Variants in ARHGAP21 observed in about 807,000 individuals in gnomAD.
ARHGAP21 encodes rho GTPase-activating protein 21.
In ARHGAP21, 38 loss-of-function variants were observed where a neutral mutation model predicts 164.6. The ratio of observed to expected loss-of-function variants is 0.23; its 90% CI spans 0.18 to 0.30. ARHGAP21 has a LOEUF of 0.30. Ranked by LOEUF, ARHGAP21 falls within the 10% of genes least tolerant of loss-of-function variation. ARHGAP21 has a pLI of 1.00. For missense variants in ARHGAP21, 1,822 were observed against 2,370.7 expected (o/e 0.77, Z 4.81); for synonymous variants, 766 against 857.9 (o/e 0.89, Z 1.87).
At chr10:24,667,129 T>C in intron 3 of ARHGAP21, 120 bp from the exon 4 acceptor site, 1 of 510,058 alleles carries the variant, frequency 2.0e-6, no homozygotes, top group Non-Finnish European at 3.4e-6. Context: ...ACAATCTCAC[T>C]AACAATATTC....
intron 4 of ARHGAP21, among the ~76,000 whole-genome samples, chr10:24,636,943 G>A (rs1202733356): frequency 2.0e-5 from 3 of 152,036 alleles, no homozygotes; most frequent in Non-Finnish European, 2.9e-5. Context: ...AGGAATTTTC[G>A]CAATGCTCAC....
At chr10:24,596,686 T>A in intron 17 of ARHGAP21, 54 bp downstream of exon 17, 1 of 1,610,502 alleles carries the variant, frequency 6.2e-7, no homozygotes, top group Non-Finnish European at 8.5e-7. Context: ...GATCCCATTA[T>A]AATCAAAACT....
At chr10:24,637,528 T>G (rs774574343) in intron 4 of ARHGAP21, among the ~76,000 whole-genome samples, 1 of 152,206 alleles carries the variant, frequency 6.6e-6, no homozygotes, top group Non-Finnish European at 1.5e-5. Flanking sequence ...GGTGATTATT[T>G]CATACTTAAA....
chr10:24,657,159 G>A (rs1384002576), intron 4 of ARHGAP21, among the ~76,000 whole-genome samples: 5 of 28,982 alleles, frequency 1.7e-4, no homozygotes, highest in Non-Finnish European at 3.4e-4. Flanking sequence ...CGCCCCGTCC[G>A]GGAGGTGAGG....
At chr10:24,623,118 C>G (rs11014180) in intron 7 of ARHGAP21, among the ~76,000 whole-genome samples, 5,077 of 152,276 alleles carry the variant, frequency 0.033, 139 homozygotes, top group African/African-American at 0.075. Context: ...TCATTTCCCC[C>G]CAGCTTCTTC....
At chr10:24,595,061 A>G (rs752386473) in intron 20 of ARHGAP21, 22 bp from the exon 21 acceptor site, 45 of 1,608,704 alleles carry the variant, frequency 2.8e-5, no homozygotes, top group Middle Eastern at 3.3e-4. Flanking sequence ...TATTTTCACA[A>G]TGGATTCAGA....
chr10:24,650,620 T>C (rs564193631), intron 4 of ARHGAP21, among the ~76,000 whole-genome samples: 45 of 152,200 alleles, frequency 3.0e-4, no homozygotes, highest in South Asian at 6.2e-4. Flanking sequence ...AAGTTCAAAA[T>C]AAAAGATTAA....
In ARHGAP21 at chr10:24,585,145, C is replaced by T; in HGVS notation, c.5144G>A (p.Ser1715Asn). The change falls in exon 26 of 26, where the codon AGT (serine) becomes AAT (asparagine). Residue 1715 changes from serine (S) to asparagine (N), a missense_variant. Ser to Asn is a conservative substitution (Grantham distance 46, BLOSUM62 1). Around this residue, in one of 5 missense-constraint regions of ARHGAP21, gnomAD observed 117 missense variants for 193.2 expected, o/e 0.61. Transcript: ENST00000396432. Reference sequence around the variant, plus strand: ...ATTCTTGGCATCTCCTAGACTTCCACTATCTGACTTGAATCTAGCTGATTT... The same window carrying T: ...ATTCTTGGCATCTCCTAGACTTCCATTATCTGACTTGAATCTAGCTGATTT... ...RKKSARFKSD[S>N]GSLGDAKNEK... 6.2e-7 allele frequency: 1 copy of T among 1,612,528 alleles called. No homozygotes were observed. Among genetic ancestry groups the T allele is most frequent in the South Asian group, 1.1e-5 (1 of 90,958 alleles).
intron 4 of ARHGAP21, among the ~76,000 whole-genome samples, chr10:24,636,910 T>C (rs2131382867): frequency 6.6e-6 from 1 of 152,328 alleles, no homozygotes; most frequent in Middle Eastern, 3.4e-3. Context: ...ATGTTTGTTG[T>C]ATATCTCTCT....
chr10:24,593,266 A>C (rs1482097182), intron 21 of ARHGAP21, among the ~76,000 whole-genome samples: 1 of 151,928 alleles, frequency 6.6e-6, no homozygotes, highest in Non-Finnish European at 1.5e-5. Flanking sequence ...GTAGAAAGAA[A>C]CTATGTGTGG....
At chr10:24,633,358 T>G in intron 6 of ARHGAP21, 44 bp downstream of exon 6, 2 of 1,321,368 alleles carry the variant, frequency 1.5e-6, no homozygotes, top group East Asian at 2.3e-5. Context: ...GCTCTATTGA[T>G]CTATAAAACC....
rs138067028 is a variant in ARHGAP21, at chr10:24,685,608, G to A, written c.64-15211C>T. Among the ~76,000 whole-genome samples the A allele has an allele frequency of 6.1e-3, 933 of 152,266 alleles. 11 individuals carry two copies. The highest frequency in any genetic ancestry group is 0.021 in the African/African-American group (868 of 41,546). On this transcript the variant is annotated intron_variant, in intron 2 of 25. Transcript: ENST00000396432. ...AATTGTCTTCTTGGCTGGTGCAGTG[G>A]CTCACACCTGTAATCCCAGCACTTT...
At chr10:24,677,117 G>A (rs376214366) in intron 2 of ARHGAP21, among the ~76,000 whole-genome samples, 2 of 152,118 alleles carry the variant, frequency 1.3e-5, no homozygotes, top group African/African-American at 2.4e-5. Context: ...CTACTCTGGC[G>A]GCTAAGGAAG....
chr10:24,677,308 A>C (rs1841350009), intron 2 of ARHGAP21, among the ~76,000 whole-genome samples: 3 of 152,218 alleles, frequency 2.0e-5, no homozygotes, highest in African/African-American at 7.2e-5. Context: ...TTTAAATCAC[A>C]ATCTCTCACA....
At chr10:24,597,706 A>G (rs2076644649) in intron 15 of ARHGAP21, 123 bp from the exon 16 acceptor site, 2 of 1,415,618 alleles carry the variant, frequency 1.4e-6, no homozygotes, top group South Asian at 1.4e-5. Context: ...TAAACAATTC[A>G]TAAGCTTTCA....
chr10:24,615,087 G>C (rs2077421429), intron 9 of ARHGAP21, among the ~76,000 whole-genome samples: 1 of 152,114 alleles, frequency 6.6e-6, no homozygotes, highest in Non-Finnish European at 1.5e-5. Flanking sequence ...CTACTCGGGA[G>C]GCTGAGGCAG....
chr10:24,625,279 G>A (rs1565045665), intron 7 of ARHGAP21, among the ~76,000 whole-genome samples: 1 of 88,124 alleles, frequency 1.1e-5, no homozygotes, highest in Admixed American at 1.3e-4. Context: ...TATGATAAAT[G>A]GTAAACAAAA....
chr10:24,711,158 G>C (rs1408966720), intron 2 of ARHGAP21, among the ~76,000 whole-genome samples: 1 of 134,968 alleles, frequency 7.4e-6, no homozygotes, highest in Non-Finnish European at 1.6e-5. Context: ...GGGTGGGAGG[G>C]AAAAAGAGAA....
chr10:24,686,707 A>C (rs1052491408), intron 2 of ARHGAP21, among the ~76,000 whole-genome samples: 2 of 152,226 alleles, frequency 1.3e-5, no homozygotes, highest in Admixed American at 6.5e-5. Flanking sequence ...ATTTTCCATA[A>C]TGAACATGCA....
Sources: allele counts gnomAD v4.1 joint callset (sites outside exome capture counted in the v4.1 genomes callset), GRCh38; gene constraint gnomAD v4.1.1; regional missense constraint gnomAD v4.1.1; transcripts MANE v1.5; gene names NCBI Gene and HGNC (gene_info 2026-07-23, HGNC 2026-07-21).